The following CCDC158 variants were observed in gnomAD, a reference collection of about 807,000 sequenced individuals.
The protein encoded by CCDC158 is coiled-coil domain containing 158.
A neutral mutation model predicts 138.6 loss-of-function variants in CCDC158; 116 were observed. The ratio of observed to expected loss-of-function variants is 0.84; its 90% CI spans 0.72 to 0.98. The LOEUF is 0.98. Ranked by LOEUF, CCDC158 falls within the 50% of genes least tolerant of loss-of-function variation. CCDC158 has a pLI of 0.00. For missense variants in CCDC158, 1,265 were observed against 1,306.1 expected (o/e 0.97, Z 0.48); for synonymous variants, 436 against 442.4 (o/e 0.99, Z 0.18).
At chr4:76,327,463 T>C (rs998005381) in intron 22 of CCDC158, among the ~76,000 whole-genome samples, 23 of 152,208 alleles carry the variant, frequency 1.5e-4, no homozygotes, top group African/African-American at 5.5e-4. Flanking sequence ...CTATATGGTA[T>C]AGCTTATTGC....
intron 19 of CCDC158, among the ~76,000 whole-genome samples, 196 bp downstream of exon 19, chr4:76,333,814 T>A (rs1721216545): frequency 6.6e-6 from 1 of 152,242 alleles, no homozygotes; most frequent in Non-Finnish European, 1.5e-5. Flanking sequence ...ATAGAATGAC[T>A]GTATTGTTTT....
At chr4:76,335,623 A>C (rs370359357) in intron 18 of CCDC158, among the ~76,000 whole-genome samples, 28 of 152,214 alleles carry the variant, frequency 1.8e-4, no homozygotes, top group African/African-American at 6.3e-4. Flanking sequence ...TCTGTCACCT[A>C]GGCTGGAATG....
intron 4 of CCDC158, among the ~76,000 whole-genome samples, chr4:76,391,966 T>C (rs769800759): frequency 4.0e-5 from 6 of 151,670 alleles, no homozygotes; most frequent in Non-Finnish European, 8.9e-5. Flanking sequence ...GATTGAACCC[T>C]GAAGAAATCT....
chr4:76,391,400 G>A (rs1028530779), intron 4 of CCDC158, among the ~76,000 whole-genome samples: 1 of 151,868 alleles, frequency 6.6e-6, no homozygotes, highest in Non-Finnish European at 1.5e-5. Context: ...CAAATACACA[G>A]AAATTAAACA....
intron 1 of CCDC158, among the ~76,000 whole-genome samples, chr4:76,413,785 A>T (rs1729482777): frequency 6.6e-6 from 1 of 152,160 alleles, no homozygotes; most frequent in African/African-American, 2.4e-5. Flanking sequence ...ATCCAACAAA[A>T]ACCTGACCTA....
chr4:76,380,795 C>T (rs1197553648), intron 8 of CCDC158, among the ~76,000 whole-genome samples: 2 of 152,184 alleles, frequency 1.3e-5, no homozygotes, highest in Admixed American at 6.5e-5. Context: ...GGCCTTGTGA[C>T]TTAGGAGGAA....
chr4:76,371,398 T>C lies in CCDC158; in HGVS notation c.1149+19A>G. 6.2e-7 allele frequency: 1 copy of C among 1,611,686 alleles called. No homozygotes were observed. The highest frequency in any genetic ancestry group is 8.5e-7 in the Non-Finnish European group (1 of 1,178,648). ...CTTCCCAGAATTAGTCTTATTCATA[T>C]TTTAAAGCATAATCTTACCAACAGC... is the stretch of plus-strand genomic sequence containing the variant. On this transcript the variant is annotated intron_variant, in intron 10 of 24. Coordinates refer to ENST00000682701, the MANE Select transcript of CCDC158 (RefSeq NM_001394954.1).
intron 18 of CCDC158, among the ~76,000 whole-genome samples, chr4:76,343,962 C>T (rs956497695): frequency 2.0e-5 from 3 of 152,160 alleles, no homozygotes; most frequent in Non-Finnish European, 4.4e-5. Context: ...GATGCCCTCT[C>T]TCACCACTCC....
At chr4:76,335,369 C>G (rs1161184646) in intron 18 of CCDC158, among the ~76,000 whole-genome samples, 1 of 152,098 alleles carries the variant, frequency 6.6e-6, no homozygotes, top group Non-Finnish European at 1.5e-5. Context: ...TTAGTTATAA[C>G]CTGGACTTCT....
At chr4:76,405,267 A>G (rs1256639088) in intron 2 of CCDC158, among the ~76,000 whole-genome samples, 2 of 152,216 alleles carry the variant, frequency 1.3e-5, no homozygotes, top group African/African-American at 4.8e-5. Context: ...AGAAAGGACA[A>G]ACCAAGGATA....
Position 76,334,121 on chromosome 4 carries a change from A to G in CCDC158, c.2711T>C (p.Leu904Pro), listed in dbSNP as rs866990920. The change falls in exon 19 of 25, where the codon CTG (leucine) becomes CCG (proline). Residue 904 changes from leucine (L) to proline (P), a missense_variant. By Grantham distance (98) the Leu-to-Pro change is moderately conservative. Coordinates refer to ENST00000682701, the MANE Select transcript of CCDC158 (RefSeq NM_001394954.1). ...TCTCAACTCTTGGAGAAGCTGTTTC[A>G]GGTCCCTTGTTGGATCTTCCTTCAG... ...NTLKEDPTRD[L>P]KQLLQELRSV... 6.2e-7 allele frequency: 1 copy of G among 1,613,562 alleles called. No homozygotes were observed. The highest frequency in any genetic ancestry group is 1.1e-5 in the South Asian group (1 of 90,988).
At chr4:76,416,245 C>T (rs1379704002) in intron 1 of CCDC158, among the ~76,000 whole-genome samples, 1 of 152,194 alleles carries the variant, frequency 6.6e-6, no homozygotes, top group East Asian at 1.9e-4. Flanking sequence ...ATGGCTCACA[C>T]TCCTTACCCT....
At chr4:76,353,037 C>A in intron 16 of CCDC158, 86 bp downstream of exon 16, 1 of 1,097,486 alleles carries the variant, frequency 9.1e-7, no homozygotes, top group South Asian at 1.6e-5. Context: ...CAGTTCCTGT[C>A]TACATAGAGC....
intron 1 of CCDC158, among the ~76,000 whole-genome samples, chr4:76,416,471 G>T (rs1438192503): frequency 2.0e-5 from 3 of 152,188 alleles, no homozygotes; most frequent in Non-Finnish European, 4.4e-5. Flanking sequence ...TAATCCCCAA[G>T]ACCATGGGAA....
At chr4:76,416,444 T>C (rs112110024) in intron 1 of CCDC158, among the ~76,000 whole-genome samples, 4,457 of 152,258 alleles carry the variant, frequency 0.029, 221 homozygotes, top group African/African-American at 0.1. Flanking sequence ...GGGGCTGGAC[T>C]CTACAGAGTC....
At chr4:76,336,456 C>T (rs1441819325) in intron 18 of CCDC158, among the ~76,000 whole-genome samples, 1 of 152,122 alleles carries the variant, frequency 6.6e-6, no homozygotes, top group Admixed American at 6.6e-5. Context: ...TCCTGAAAAT[C>T]ATTTGGTTCT....
chr4:76,335,250 A>C (rs1158363504), intron 18 of CCDC158, among the ~76,000 whole-genome samples: 1 of 152,198 alleles, frequency 6.6e-6, no homozygotes, highest in East Asian at 1.9e-4. Context: ...ATTTTACGAA[A>C]CACTGGTTTT....
chr4:76,346,008 A>T (rs1722510619), intron 18 of CCDC158, among the ~76,000 whole-genome samples: 1 of 152,230 alleles, frequency 6.6e-6, no homozygotes, highest in Admixed American at 6.5e-5. Flanking sequence ...GGCTACAGTA[A>T]CCAAAACAGC....
At position 76,362,286 on chromosome 4, in the gene CCDC158, G is replaced by T; in HGVS notation, c.1860C>A (p.Ile620=). 6.2e-7 allele frequency: 1 copy of T among 1,612,846 alleles called. No individual in the cohort carries two copies. Among genetic ancestry groups the T allele is most frequent in the Non-Finnish European group, 8.5e-7 (1 of 1,179,654 alleles). Residue 620 remains isoleucine, a synonymous_variant, in exon 13 of 25, where the codon ATC becomes ATA. Transcript: ENST00000682701. ...CACTCACTCTGGCCTCAAGCTCCCG[G>T]ATCTTTGCATCTTTTTTATCTTTTA... ...KILKDKKDAK[I]RELEARVSDL...
Sources: gnomAD v4.1 joint callset for allele counts (sites outside exome capture counted in the v4.1 genomes callset) on GRCh38, gnomAD v4.1.1 for gene constraint, MANE v1.5 for transcripts, NCBI Gene and HGNC (gene_info 2026-07-23, HGNC 2026-07-21) for gene names.